The following ZNF132 variants were observed in gnomAD, a reference collection of about 807,000 sequenced individuals.
The protein encoded by ZNF132 is zinc finger protein 132 (clone pHZ-12).
A neutral mutation model predicts 9.3 loss-of-function variants in ZNF132; 6 were observed. That is an observed-to-expected ratio of 0.65 (90% CI 0.35 to 1.28). ZNF132 has a LOEUF of 1.28. Among genes scored for constraint, ZNF132 ranks in the 50% most tolerant of loss-of-function variants. ZNF132 has a pLI of 0.03. For missense variants in ZNF132, 877 were observed against 843.2 expected (o/e 1.04, Z -0.50); for synonymous variants, 296 against 292.0 (o/e 1.01, Z -0.14).
chr19:58,433,803 C>T lies in ZNF132; in HGVS notation c.1641G>A (p.Glu547=). ...AGCTGTGAGCAAAGGCTTTCCCACACTCACTACACTCGTAAGGCTTTTCTC... is the reference window on the plus strand; with the variant it reads ...AGCTGTGAGCAAAGGCTTTCCCACATTCACTACACTCGTAAGGCTTTTCTC... ...HTGEKPYECS[E]CGKAFAHSST... The change falls in exon 3 of 3, where the codon GAG becomes GAA. Residue 547 remains glutamate, a synonymous_variant. Transcript: ENST00000254166. The T allele has an allele frequency of 6.2e-7, 1 of 1,614,050 alleles. No individual in the cohort carries two copies.
chr19:58,436,529 G>A (rs1024793798), intron 2 of ZNF132, among the ~76,000 whole-genome samples: 4 of 151,906 alleles, frequency 2.6e-5, no homozygotes, highest in African/African-American at 9.7e-5. Flanking sequence ...TTAGCTGGGT[G>A]TGGTGGCAGG....
rs2052750767 is a variant in ZNF132 at position 58,432,987 on chromosome 19, C to T, written c.*336G>A. 5.1e-6 allele frequency: 1 copy of T among 195,236 alleles called. No individual in the cohort carries two copies. The highest frequency in any genetic ancestry group is 1.0e-5 in the Non-Finnish European group (1 of 96,960). The allele number at this position is 195,236 out of a possible 1,614,324, so 12.1% of individuals were successfully genotyped here. A position where few individuals can be genotyped will look rare whatever the true frequency, so the allele number is the denominator to read the frequency against. On this transcript the variant is annotated 3_prime_UTR_variant, in exon 3 of 3. Transcript: ENST00000254166. ...GCTCAAATTAGATTTCCCTCAAGGC[C>T]CCTCAACCAGCATCGGTTCAGCTGA...
Position 58,433,801 on chromosome 19 carries a change from C to A in ZNF132, c.1643G>T (p.Cys548Phe). ...TGEKPYECSE[C>F]GKAFAHSSTL... ...GGAGCTGTGAGCAAAGGCTTTCCCA[C>A]ACTCACTACACTCGTAAGGCTTTTC... Residue 548 changes from cysteine (C) to phenylalanine (F), a missense_variant, in exon 3 of 3, where the codon TGT becomes TTT. Cys to Phe is a radical substitution (Grantham distance 205). Coordinates refer to ENST00000254166, the MANE Select transcript of ZNF132 (RefSeq NM_003433.4). 6.2e-7 allele frequency: 1 copy of A among 1,614,238 alleles called. No individual in the cohort carries two copies.
rs1008813001 is a variant in ZNF132 at position 58,437,112 on chromosome 19, T to C, written c.167A>G (p.Asp56Gly). Residue 56 changes from aspartate to glycine, a missense_variant, in exon 2 of 3, where the codon GAT becomes GGT. Transcript: ENST00000254166. ...GTGGTACAGGTGCCTCTGGGCTGCATCAAGGAGCTCCCACTCCTCTTGGGA... is the reference window on the plus strand; with the variant it reads ...GTGGTACAGGTGCCTCTGGGCTGCACCAAGGAGCTCCCACTCCTCTTGGGA... ...YFSQEEWELLDAAQRHLYHSV... is the reference protein window; with the variant it reads ...YFSQEEWELLGAAQRHLYHSV... The C allele has an allele frequency of 1.2e-6, 2 of 1,614,140 alleles. No individual in the cohort carries two copies. The highest frequency in any genetic ancestry group is 1.7e-6 in the Non-Finnish European group (2 of 1,180,026).
Position 58,439,952 on chromosome 19 carries a change from G to A in ZNF132, c.-131C>T, listed in dbSNP as rs934158462. 1.1e-6 allele frequency: 1 copy of A among 914,282 alleles called. No homozygotes were observed. The highest frequency in any genetic ancestry group is 1.6e-6 in the Non-Finnish European group (1 of 608,868). The allele number at this position is 914,282 out of a possible 1,614,324, so 56.6% of individuals were successfully genotyped here. On this transcript the variant is annotated 5_prime_UTR_variant, in exon 1 of 3. Coordinates refer to ENST00000254166, the MANE Select transcript of ZNF132 (RefSeq NM_003433.4). ...GGCCTCTGGGCACCGCAGGGACGAA[G>A]GCTGGGTATGGAGACCCTGGAGACG...
intron 2 of ZNF132, among the ~76,000 whole-genome samples, chr19:58,436,688 AAAAAG>A (rs2052775005): frequency 6.6e-6 from 1 of 151,328 alleles, no homozygotes; most frequent in Non-Finnish European, 1.5e-5. Flanking sequence ...AAAAAAAAAA[AAAAAG>A]GAAAAAAAAA....
intron 1 of ZNF132, chr19:58,437,713 G>A (rs888056632): frequency 1.0e-6 from 1 of 985,116 alleles, no homozygotes; most frequent in African/African-American, 1.7e-5. Context: ...ATCTCACCAT[G>A]CACATGGCAT....
Position 58,435,002 on chromosome 19 carries a change from C to T in ZNF132, c.442G>A (p.Gly148Arg). ...TTTGCATTCAACCAAAAGTCTCTCCCACATGCTCCACATGTGTAGGGTTTC... is the reference window on the plus strand; with the variant it reads ...TTTGCATTCAACCAAAAGTCTCTCCTACATGCTCCACATGTGTAGGGTTTC... ...EEKPYTCGAC[G>R]RDFWLNANLH... Residue 148 changes from glycine to arginine, a missense_variant, in exon 3 of 3, where the codon GGG becomes AGG. Gly to Arg is a moderately radical substitution (Grantham distance 125). Coordinates refer to ENST00000254166, the MANE Select transcript of ZNF132 (RefSeq NM_003433.4). 1 of 1,614,170 alleles carries T rather than the reference C, an allele frequency of 6.2e-7. No individual in the cohort carries two copies.
Position 58,439,843 on chromosome 19 carries a change from C to T in ZNF132, c.-22G>A. Reference sequence around the variant, plus strand: ...CCATAACAGGAGGCCCAGGGCTAGCCCTGCCGCTGGGCCGAACCCTCACAC... The same window carrying T: ...CCATAACAGGAGGCCCAGGGCTAGCTCTGCCGCTGGGCCGAACCCTCACAC... On this transcript the variant is annotated 5_prime_UTR_variant, in exon 1 of 3. Coordinates refer to ENST00000254166, the MANE Select transcript of ZNF132 (RefSeq NM_003433.4). 1.3e-6 allele frequency: 2 copies of T among 1,536,660 alleles called. No homozygotes were observed. Among genetic ancestry groups the T allele is most frequent in the South Asian group, 1.2e-5 (1 of 82,064 alleles).
rs972086827 is a variant in ZNF132 at position 58,436,850 on chromosome 19, A to G, written c.232+197T>C. 4 of 770,724 alleles carry G rather than the reference A, an allele frequency of 5.2e-6. No individual in the cohort carries two copies. The Admixed American group carries it at 5.8e-5, about 11-fold the overall frequency. The allele number at this position is 770,724 out of a possible 1,614,324, so 47.7% of individuals were successfully genotyped here. On this transcript the variant is annotated intron_variant, in intron 2 of 2. Transcript: ENST00000254166. Reference sequence around the variant, plus strand: ...TCCACAAGGCTCCTGGGCAACAGCTATTAGGAAAGCTCATGAGGCTGCTCA... The same window carrying G: ...TCCACAAGGCTCCTGGGCAACAGCTGTTAGGAAAGCTCATGAGGCTGCTCA...
intron 2 of ZNF132, chr19:58,435,611 AC>A (rs1462762301): frequency 1.2e-5 from 2 of 166,808 alleles, no homozygotes; most frequent in African/African-American, 4.8e-5. Flanking sequence ...AAAATAAATG[AC>A]AACAAATGAA....
Position 58,440,026 on chromosome 19 carries a change from G to C in ZNF132, c.-205C>G. On this transcript the variant is annotated 5_prime_UTR_variant, in exon 1 of 3. Coordinates refer to ENST00000254166, the MANE Select transcript of ZNF132 (RefSeq NM_003433.4). ...GAACACCTTGGCTCATAAAAGCAGA[G>C]TAATTAGCCGGGCACTATGGTGCGT... is the stretch of plus-strand genomic sequence containing the variant. 1.7e-6 allele frequency: 1 copy of C among 575,758 alleles called. No homozygotes were observed. Among genetic ancestry groups the C allele is most frequent in the Non-Finnish European group, 3.0e-6 (1 of 333,728 alleles). The allele number at this position is 575,758 out of a possible 1,614,324, so 35.7% of individuals were successfully genotyped here. A position where few individuals can be genotyped will look rare whatever the true frequency, so the allele number is the denominator to read the frequency against.
chr19:58,436,865 G>A, intron 2 of ZNF132, 182 bp downstream of exon 2: 1 of 851,446 alleles, frequency 1.2e-6, no homozygotes, highest in Non-Finnish European at 2.0e-6. Flanking sequence ...GAAAGCTCAT[G>A]AGGCTGCTCA....
chr19:58,433,040 A>G lies in ZNF132; in HGVS notation c.*283T>C. ...ACAGTCCTGAATCCCTAGAGAACAC[A>G]GGAAGGAAGGCTCAGGGTACTGTTT... is the stretch of plus-strand genomic sequence containing the variant. On this transcript the variant is annotated 3_prime_UTR_variant, in exon 3 of 3. Coordinates refer to ENST00000254166, the MANE Select transcript of ZNF132 (RefSeq NM_003433.4). The G allele has an allele frequency of 2.1e-6, 1 of 469,150 alleles. No homozygotes were observed. The highest frequency in any genetic ancestry group is 3.8e-6 in the Non-Finnish European group (1 of 265,066). 29.1% of individuals were successfully genotyped at this position (469,150 alleles called of 1,614,324 possible). A position where few individuals can be genotyped will look rare whatever the true frequency, so the allele number is the denominator to read the frequency against.
intron 1 of ZNF132, among the ~76,000 whole-genome samples, chr19:58,438,319 A>G (rs2052783946): frequency 6.6e-6 from 1 of 151,982 alleles, no homozygotes; most frequent in African/African-American, 2.4e-5. Context: ...ACCCGACATA[A>G]TTTCATAATC....
At chr19:58,436,097 T>C (rs552974228) in intron 2 of ZNF132, among the ~76,000 whole-genome samples, 2 of 152,266 alleles carry the variant, frequency 1.3e-5, no homozygotes, top group East Asian at 3.9e-4. Flanking sequence ...GAAAAATACA[T>C]AGTATTCTAT....
rs762110308 is a variant in ZNF132 at position 58,434,619 on chromosome 19, C to G, written c.825G>C (p.Glu275Asp). 4.3e-6 allele frequency: 7 copies of G among 1,614,054 alleles called. No homozygotes were observed. In the East Asian group the frequency reaches 8.9e-5, roughly 21 times the overall value. ...ACTTTTTATTACCAAGGATTGATTT[C>G]TCCTCTAAGAAATTTCCACCTGTTG... ...TCPTGGNFLE[E>D]KSILGNKKFH... Residue 275 changes from glutamate (E) to aspartate (D), a missense_variant, in exon 3 of 3, where the codon GAG becomes GAC. Physicochemically the swap from Glu to Asp is conservative, Grantham distance 45. Coordinates refer to ENST00000254166, the MANE Select transcript of ZNF132 (RefSeq NM_003433.4).
At chr19:58,438,659 G>C (rs562698663) in intron 1 of ZNF132, among the ~76,000 whole-genome samples, 2 of 152,106 alleles carry the variant, frequency 1.3e-5, no homozygotes, top group South Asian at 4.2e-4. Context: ...ATTTTTAGTA[G>C]AGATGGGGTT....
Position 58,433,881 on chromosome 19 carries a change from C to T in ZNF132, c.1563G>A (p.Arg521=), listed in dbSNP as rs1299393895. Residue 521 remains arginine, a synonymous_variant, in exon 3 of 3, where the codon AGG becomes AGA. Transcript: ENST00000254166. ...GGCTGGAGCTGCGGCTGAAGGATTT[C>T]CTACATTCGCTGCACTCATAAGGCC... ...GQRPYECSEC[R]KSFSRSSSLI... 5.0e-6 allele frequency: 8 copies of T among 1,613,674 alleles called. No individual in the cohort carries two copies. Among genetic ancestry groups the T allele is most frequent in the Non-Finnish European group, 6.8e-6 (8 of 1,179,946 alleles).
Sources: gnomAD v4.1 joint callset for allele counts (sites outside exome capture counted in the v4.1 genomes callset) on GRCh38, gnomAD v4.1.1 for gene constraint, MANE v1.5 for transcripts, NCBI Gene and HGNC (gene_info 2026-07-23, HGNC 2026-07-21) for gene names.